Variants in GLT8D2 observed in about 807,000 individuals in gnomAD.
GLT8D2 encodes glycosyltransferase 8 domain-containing protein 2.
A neutral mutation model predicts 44.5 loss-of-function variants in GLT8D2; 45 were observed. The ratio of observed to expected loss-of-function variants is 1.01; its 90% confidence interval spans 0.80 to 1.30. The LOEUF is 1.30. Ranked by LOEUF, GLT8D2 falls within the 50% of genes most tolerant of loss-of-function variation. The pLI is 0.00. For synonymous variants in GLT8D2, 156 were observed against 157.2 expected (o/e 0.99, Z 0.06); for missense variants, 400 against 430.4 (o/e 0.93, Z 0.62).
intron 1 of GLT8D2, among the ~76,000 whole-genome samples, chr12:104,032,149 C>T (rs2136434907): frequency 6.7e-6 from 1 of 148,736 alleles, no homozygotes; most frequent in East Asian, 2.0e-4. Flanking sequence ...AACAATAACC[C>T]TTCTGGGGTT....
At chr12:104,007,236 C>CTCTCTCTCTCTT in intron 4 of GLT8D2, among the ~76,000 whole-genome samples, 1 of 132,346 alleles carries the variant, frequency 7.6e-6, no homozygotes, top group Non-Finnish European at 1.6e-5. Flanking sequence ...ACTTAAAGCT[C>CTCTCTCTCTCTT]TCTCTCTCTC....
chr12:104,016,709 G>GAGGGAGAGAGAAAGAAAGAA (rs1876685507), intron 3 of GLT8D2, among the ~76,000 whole-genome samples: 1 of 72,700 alleles, frequency 1.4e-5, no homozygotes, highest in East Asian at 3.9e-4. Context: ...GAAAGGGAGA[G>GAGGGAGAGAGAAAGAAAGAA]AGAAAGAAAG....
At chr12:104,044,368 G>A (rs191902758) in intron 1 of GLT8D2, among the ~76,000 whole-genome samples, 228 of 152,336 alleles carry the variant, frequency 1.5e-3, no homozygotes, top group Non-Finnish European at 2.5e-3. Context: ...TAAGCCCCAT[G>A]AAGGCAGGAA....
chr12:104,017,201 GTA>G (rs1876994026), intron 3 of GLT8D2, among the ~76,000 whole-genome samples: 1 of 151,350 alleles, frequency 6.6e-6, no homozygotes, highest in Non-Finnish European at 1.5e-5. Context: ...TCTCCTAATT[GTA>G]TATGTGTTTA....
chr12:103,993,386 A>G lies in GLT8D2; in HGVS notation c.880+6T>C, dbSNP rs779971016. ...TTTTTCTAAACAGTTTTTCTGAAAT[A>G]CTTACCCAGGTGCCTTATGTGCCAC... On this transcript the variant is annotated splice_donor_region_variant and intron_variant, in intron 10 of 10. Coordinates refer to ENST00000360814, the MANE Select transcript of GLT8D2 (RefSeq NM_001384711.1). The G allele has an allele frequency of 1.3e-6, 2 of 1,595,396 alleles. No individual in the cohort carries two copies. The highest frequency in any genetic ancestry group is 3.3e-5 in the Admixed American group (2 of 59,982).
rs567644646 is a variant in GLT8D2 at position 104,011,205 on chromosome 12, A to G, written c.112+3808T>C. Among the ~76,000 whole-genome samples the G allele has an allele frequency of 2.0e-5, 3 of 152,368 alleles. No homozygotes were observed. The East Asian group carries it at 5.8e-4, about 29-fold the overall frequency. ...ACTGTACCTTCTTCATCAATGCTCC[A>G]TCCTTGCAGTTTCTTTAGGAATTAT... On this transcript the variant is annotated intron_variant, in intron 4 of 10. Coordinates refer to ENST00000360814, the MANE Select transcript of GLT8D2 (RefSeq NM_001384711.1).
chr12:104,039,124 CA>C (rs1880263283), intron 1 of GLT8D2, among the ~76,000 whole-genome samples: 1 of 152,108 alleles, frequency 6.6e-6, no homozygotes, highest in South Asian at 2.1e-4. Flanking sequence ...CCCTTCCTTA[CA>C]CCTTATACAA....
chr12:104,016,774 A>AAGGAAG (rs1566199639), intron 3 of GLT8D2, among the ~76,000 whole-genome samples: 52 of 58,366 alleles, frequency 8.9e-4, no homozygotes, highest in African/African-American at 3.9e-3. Flanking sequence ...AAAGAAAGAA[A>AAGGAAG]GAAGGAAGGA....
intron 10 of GLT8D2, among the ~76,000 whole-genome samples, chr12:103,992,908 G>A (rs996647554): frequency 3.3e-5 from 5 of 152,224 alleles, no homozygotes; most frequent in African/African-American, 1.2e-4. Flanking sequence ...CAGAATATCA[G>A]CTGCACTTGC....
At chr12:103,998,709 C>CTA (rs1256805292) in intron 6 of GLT8D2, among the ~76,000 whole-genome samples, 2 of 152,018 alleles carry the variant, frequency 1.3e-5, no homozygotes, top group African/African-American at 2.4e-5. Context: ...CGCTTGGCCA[C>CTA]TAAATAAAAC....
intron 4 of GLT8D2, among the ~76,000 whole-genome samples, chr12:104,008,703 G>C (rs969862318): frequency 1.3e-4 from 20 of 152,380 alleles, no homozygotes; most frequent in African/African-American, 4.8e-4. Context: ...GCCATCACAG[G>C]CCCGGAGGCC....
At position 103,994,408 on chromosome 12, in the gene GLT8D2, C is replaced by T; in HGVS notation, c.694G>A (p.Val232Ile). The change falls in exon 9 of 11, where the codon GTT becomes ATT. Residue 232 changes from valine (V) to isoleucine (I), a missense_variant. Physicochemically the swap from Val to Ile is conservative, Grantham distance 29 (BLOSUM62 3). Transcript: ENST00000360814. ...TGCTTCCATTCTGTCATGTTGGCAACAATCACACCAGGATTGAAAGAGCAG... is the reference window on the plus strand; with the variant it reads ...TGCTTCCATTCTGTCATGTTGGCAATAATCACACCAGGATTGAAAGAGCAG... ...STCSFNPGVI[V>I]ANMTEWKHQR... 6.2e-7 allele frequency: 1 copy of T among 1,614,080 alleles called. No individual in the cohort carries two copies. Among genetic ancestry groups the T allele is most frequent in the Non-Finnish European group, 8.5e-7 (1 of 1,179,988 alleles).
At chr12:104,048,664 A>G (rs974678206) in intron 1 of GLT8D2, among the ~76,000 whole-genome samples, 33 of 152,220 alleles carry the variant, frequency 2.2e-4, no homozygotes, top group African/African-American at 8.0e-4. Context: ...GAGAGATGAC[A>G]TATTAGGGTA....
rs1872452381 is a variant in GLT8D2, at chr12:103,989,574, C to T, written c.884G>A (p.Trp295Ter). 6.8e-6 allele frequency: 11 copies of T among 1,611,028 alleles called. No individual in the cohort carries two copies. The highest frequency in any genetic ancestry group is 2.2e-5 in the East Asian group (1 of 44,822). Residue 295 changes from tryptophan (W) to a stop codon, truncating the protein, a stop_gained, in exon 11 of 11, where the codon TGG becomes TAG. Transcript: ENST00000360814. LOFTEE classifies it high-confidence loss of function. ...NPLWHIRHLG[W>*]NPDARYSEHF... is the part of the protein sequence containing the mutation. ...CTCCGAATATCTGGCATCTGGATTC[C>T]AGCCTTCATTGTGTATAGAGAAAAA...
chr12:104,054,377 A>G (rs184064158), upstream of GLT8D2, among the ~76,000 whole-genome samples: 4 of 152,252 alleles, frequency 2.6e-5, no homozygotes, highest in African/African-American at 9.6e-5. Flanking sequence ...ATTCTATTGC[A>G]TATATGTACC....
intron 8 of GLT8D2, among the ~76,000 whole-genome samples, chr12:103,995,907 G>A (rs1311057943): frequency 1.3e-5 from 2 of 152,106 alleles, no homozygotes; most frequent in Non-Finnish European, 1.5e-5. Context: ...AGCTTTATAT[G>A]TGTTAACTAA....
chr12:104,047,455 C>T (rs946149111), intron 1 of GLT8D2, among the ~76,000 whole-genome samples: 1 of 152,090 alleles, frequency 6.6e-6, no homozygotes, highest in African/African-American at 2.4e-5. Flanking sequence ...CAGGCATGCA[C>T]CACCACGCCT....
chr12:104,057,736 A>G (rs1459236333), intron 1 of GLT8D2, among the ~76,000 whole-genome samples: 1 of 152,226 alleles, frequency 6.6e-6, no homozygotes, highest in African/African-American at 2.4e-5. Flanking sequence ...TGGCTTGCAT[A>G]TCATGTTTAC....
intron 3 of GLT8D2, among the ~76,000 whole-genome samples, chr12:104,016,818 AG>A (rs869031387): frequency 0.023 from 2,458 of 109,038 alleles, 36 homozygotes; most frequent in East Asian, 0.058. Flanking sequence ...AAAGAAAGAA[AG>A]AGAAAGAAAA....
Sources: gnomAD v4.1 joint callset for allele counts (sites outside exome capture counted in the v4.1 genomes callset) on GRCh38, gnomAD v4.1.1 for gene constraint, MANE v1.5 for transcripts, NCBI Gene and HGNC (gene_info 2026-07-23, HGNC 2026-07-21) for gene names.